Variants in HORMAD2 observed in about 807,000 individuals in gnomAD.
The protein encoded by HORMAD2 is HORMA domain containing 2, also known as HORMA domain-containing protein 2.
In HORMAD2, 45 loss-of-function variants were observed where a neutral mutation model predicts 38.8. That is an observed-to-expected ratio of 1.16 (90% confidence interval 0.91 to 1.49). HORMAD2 has a LOEUF of 1.49. Ranked by LOEUF, HORMAD2 falls within the 40% of genes most tolerant of loss-of-function variation. HORMAD2 has a pLI of 0.00. For missense variants in HORMAD2, 338 were observed against 367.0 expected, an observed-to-expected ratio of 0.92 and a Z score of 0.65; for synonymous variants, 126 against 122.8, an observed-to-expected ratio of 1.03 and a Z score of -0.17.
At chr22:30,085,752 C>CAATA (rs1239956572) in intron 1 of HORMAD2, among the ~76,000 whole-genome samples, 3 of 152,108 alleles carry the variant, frequency 2.0e-5, no homozygotes, top group Non-Finnish European at 2.9e-5. Flanking sequence ...GAGTCCTTTT[C>CAATA]AATAAATAAA....
rs569852619 is a variant in HORMAD2, at chr22:30,136,104, A to G, written c.819+13890A>G. 6.6e-5 allele frequency among the ~76,000 whole-genome samples: 10 copies of G among 152,330 alleles called. No individual in the cohort carries two copies. The East Asian group carries it at 1.5e-3, about 23-fold the overall frequency. The stretch of plus-strand genomic sequence containing the variant: ...AATGTTTACAGCAACTCTATTCATA[A>G]TCTTCAAAGTATGGAAACAATTAGG... On this transcript the variant is annotated intron_variant, in intron 10 of 10. Transcript: ENST00000336726.
chr22:30,112,536 C>A lies in HORMAD2; in HGVS notation c.342+14C>A. On this transcript the variant is annotated intron_variant, in intron 7 of 10. Transcript: ENST00000336726. ...ATGGGATCTGAGGTAAGAACACACACAAACGTATAGGTGGGTAGTATATGT... is the reference window on the plus strand; with the variant it reads ...ATGGGATCTGAGGTAAGAACACACAAAAACGTATAGGTGGGTAGTATATGT... The A allele has an allele frequency of 1.6e-6, 2 of 1,272,474 alleles. No homozygotes were observed. Among genetic ancestry groups the A allele is most frequent in the African/African-American group, 1.6e-5 (1 of 62,660 alleles). The allele number at this position is 1,272,474 out of a possible 1,614,324, so 78.8% of individuals were successfully genotyped here.
chr22:30,184,520 A>G, the HORMAD2 span: 2 of 152,080 alleles, frequency 1.3e-5, no homozygotes, highest in Admixed American at 6.5e-5. Flanking sequence ...ACTTATTAAC[A>G]TTGTCAATTA....
the HORMAD2 span, among the ~76,000 whole-genome samples, chr22:30,202,986 C>T: frequency 6.6e-6 from 1 of 152,282 alleles, no homozygotes; most frequent in South Asian, 2.1e-4. Flanking sequence ...GGAGGCTGGG[C>T]CTACAGAGGT....
chr22:30,139,961 G>C (rs975213729), intron 10 of HORMAD2, among the ~76,000 whole-genome samples: 3 of 152,090 alleles, frequency 2.0e-5, no homozygotes, highest in African/African-American at 7.2e-5. Context: ...GTATCTGTGT[G>C]TGTGTGTGTG....
chr22:30,087,860 A>G (rs889774247), intron 1 of HORMAD2, among the ~76,000 whole-genome samples: 11 of 152,252 alleles, frequency 7.2e-5, no homozygotes, highest in African/African-American at 1.9e-4. Context: ...GTTATCTCCT[A>G]CTGTGCCTGG....
chr22:30,145,392 A>C (rs1476495095), intron 10 of HORMAD2, among the ~76,000 whole-genome samples: 1 of 152,232 alleles, frequency 6.6e-6, no homozygotes, highest in Non-Finnish European at 1.5e-5. Context: ...GAACAATTTT[A>C]CTGCATGTAA....
intron 10 of HORMAD2, among the ~76,000 whole-genome samples, chr22:30,133,755 T>C (rs1432162340): frequency 1.3e-5 from 2 of 152,170 alleles, no homozygotes; most frequent in Admixed American, 6.5e-5. Flanking sequence ...TTATGTCGTA[T>C]TGGGTATTAT....
Position 30,093,897 on chromosome 22 carries a change from A to T in HORMAD2, c.-37-19A>T. The T allele has an allele frequency of 8.1e-7, 1 of 1,235,272 alleles. No homozygotes were observed. The highest frequency in any genetic ancestry group is 1.2e-6 in the Non-Finnish European group (1 of 869,370). The allele number at this position is 1,235,272 out of a possible 1,614,324, so 76.5% of individuals were successfully genotyped here. A position where few individuals can be genotyped will look rare whatever the true frequency, so the allele number is the denominator to read the frequency against. On this transcript the variant is annotated intron_variant, in intron 1 of 10. Coordinates refer to ENST00000336726, the MANE Select transcript of HORMAD2 (RefSeq NM_152510.4). The stretch of plus-strand genomic sequence containing the variant: ...TTATATTTGGCAAGGTCTCTAATTA[A>T]TTAATTATTTTTTAATAGGTTGGAC...
At chr22:30,193,894 C>G in the HORMAD2 span, among the ~76,000 whole-genome samples, 2 of 152,146 alleles carry the variant, frequency 1.3e-5, no homozygotes, top group Non-Finnish European at 2.9e-5. Flanking sequence ...CCCCCCCTAC[C>G]CTTCACACTT....
intron 2 of HORMAD2, among the ~76,000 whole-genome samples, chr22:30,098,294 A>C (rs1202522214): frequency 6.6e-6 from 1 of 152,210 alleles, no homozygotes; most frequent in Non-Finnish European, 1.5e-5. Context: ...CCTGGGGGAT[A>C]ACCAATATTT....
intron 1 of HORMAD2, among the ~76,000 whole-genome samples, chr22:30,082,066 A>T (rs946524015): frequency 2.6e-5 from 4 of 152,160 alleles, no homozygotes; most frequent in African/African-American, 7.2e-5. Flanking sequence ...ACAGAATTGG[A>T]TCTTCTTTAA....
chr22:30,080,267 G>C (rs2068444361), upstream of HORMAD2: 1 of 152,444 alleles, frequency 6.6e-6, no homozygotes, highest in Non-Finnish European at 1.5e-5. Context: ...TGAGGGGCCG[G>C]GCGGGCTAGG....
At chr22:30,155,814 A>G (rs1259271958) in intron 10 of HORMAD2, among the ~76,000 whole-genome samples, 2 of 152,190 alleles carry the variant, frequency 1.3e-5, no homozygotes, top group African/African-American at 4.8e-5. Flanking sequence ...ACTGGCTGCC[A>G]TTATCATTAG....
At chr22:30,086,610 T>C (rs2068574766) in intron 1 of HORMAD2, among the ~76,000 whole-genome samples, 1 of 152,164 alleles carries the variant, frequency 6.6e-6, no homozygotes, top group South Asian at 2.1e-4. Context: ...GGAAAATGCA[T>C]AGTCGAGTTT....
intron 10 of HORMAD2, among the ~76,000 whole-genome samples, chr22:30,149,244 C>G (rs192970950): frequency 6.6e-6 from 1 of 152,252 alleles, no homozygotes. Flanking sequence ...TCAGTTTTCT[C>G]TTTACTTATT....
At chr22:30,083,740 C>G (rs550844262) in intron 1 of HORMAD2, among the ~76,000 whole-genome samples, 1 of 152,284 alleles carries the variant, frequency 6.6e-6, no homozygotes, top group African/African-American at 2.4e-5. Flanking sequence ...CTCAGCCTCT[C>G]AAGTAGCTGG....
the HORMAD2 span, among the ~76,000 whole-genome samples, chr22:30,206,004 A>G: frequency 3.9e-5 from 6 of 152,216 alleles, no homozygotes; most frequent in African/African-American, 1.4e-4. Context: ...AGGTCATTGC[A>G]TCAGAAGGGT....
chr22:30,099,684 C>T (rs181841900), intron 3 of HORMAD2, among the ~76,000 whole-genome samples: 3 of 152,186 alleles, frequency 2.0e-5, no homozygotes, highest in East Asian at 1.9e-4. Flanking sequence ...TTCAGGAGTT[C>T]GAGACCAGCC....
Sources: gnomAD v4.1 joint callset for allele counts (sites outside exome capture counted in the v4.1 genomes callset) on GRCh38, gnomAD v4.1.1 for gene constraint, MANE v1.5 for transcripts, NCBI Gene and HGNC (gene_info 2026-07-23, HGNC 2026-07-21) for gene names.